The following WDFY2 variants were observed in gnomAD, a reference collection of about 807,000 sequenced individuals.
WDFY2 encodes the protein WD repeat and FYVE domain-containing protein 2.
In WDFY2, 36 loss-of-function variants were observed where a neutral mutation model predicts 56.4. That is an observed-to-expected ratio of 0.64 (90% confidence interval 0.49 to 0.84). The LOEUF (loss-of-function observed/expected upper bound fraction) is 0.84. WDFY2 is among the 40% of genes least tolerant of loss of function. The probability of loss-of-function intolerance (pLI) is 0.00; values close to 1 mark genes in which losing one functional copy is unlikely to be tolerated. For missense variants in WDFY2, 444 were observed against 512.2 expected (o/e 0.87, Z 1.29); for synonymous variants, 176 against 183.7 (o/e 0.96, Z 0.34).
At chr13:51,720,256 AT>A (rs1952457672) in intron 5 of WDFY2, among the ~76,000 whole-genome samples, 1 of 152,230 alleles carries the variant, frequency 6.6e-6, no homozygotes, top group Non-Finnish European at 1.5e-5. Flanking sequence ...ACTGTGCGGC[AT>A]TCAAAGGTAT....
chr13:51,604,503 CAGA>C lies in WDFY2; in HGVS notation c.137+19682_137+19684del, dbSNP rs549322252. On this transcript the variant is annotated intron_variant, in intron 1 of 11. Coordinates refer to ENST00000298125, the MANE Select transcript of WDFY2 (RefSeq NM_052950.4). ...CAGAGTAACTCCTGGAAGCCAAGTT[CAGA>C]AGGTCACTAGACATTATGAATGTCA... Among the ~76,000 whole-genome samples, 274 of 152,216 alleles carry C rather than the reference CAGA, an allele frequency of 1.8e-3. 2 individuals are homozygous for C. Among genetic ancestry groups the C allele is most frequent in the Non-Finnish European group, 2.1e-3 (145 of 68,028 alleles).
chr13:51,665,060 G>A (rs1411372035), intron 2 of WDFY2, among the ~76,000 whole-genome samples: 6 of 152,192 alleles, frequency 3.9e-5, no homozygotes, highest in African/African-American at 1.4e-4. Flanking sequence ...TATGGTGAGT[G>A]TTTTAATGTG....
chr13:51,619,459 A>G (rs1954686042), intron 1 of WDFY2, among the ~76,000 whole-genome samples: 2 of 152,002 alleles, frequency 1.3e-5, no homozygotes, highest in African/African-American at 4.8e-5. Context: ...AAAAACAAAA[A>G]GCCTCCAGAA....
At chr13:51,641,048 G>A in intron 1 of WDFY2, among the ~76,000 whole-genome samples, 1 of 152,066 alleles carries the variant, frequency 6.6e-6, no homozygotes, top group Non-Finnish European at 1.5e-5. Flanking sequence ...TATCCAAGTT[G>A]GGTCCATCTT....
intron 3 of WDFY2, among the ~76,000 whole-genome samples, chr13:51,684,960 A>G (rs1209149690): frequency 6.6e-6 from 1 of 152,172 alleles, no homozygotes; most frequent in Non-Finnish European, 1.5e-5. Context: ...TCACTTTTAG[A>G]AAAATGAAGC....
chr13:51,637,837 G>T (rs998966806), intron 1 of WDFY2, among the ~76,000 whole-genome samples: 16 of 152,298 alleles, frequency 1.1e-4, no homozygotes, highest in African/African-American at 3.6e-4. Flanking sequence ...TGCAAGAATT[G>T]ATATTATTTA....
At chr13:51,749,668 C>A (rs887817686) in intron 7 of WDFY2, among the ~76,000 whole-genome samples, 8 of 152,058 alleles carry the variant, frequency 5.3e-5, no homozygotes, top group African/African-American at 1.9e-4. Context: ...TATAGCCTCA[C>A]TATAGCATAG....
intron 4 of WDFY2, among the ~76,000 whole-genome samples, chr13:51,712,214 G>A (rs946698018): frequency 2.0e-5 from 3 of 152,112 alleles, no homozygotes; most frequent in East Asian, 1.9e-4. Context: ...ACCAAGCACC[G>A]TATCTTCTCA....
chr13:51,645,008 G>A (rs1013497721), intron 1 of WDFY2, among the ~76,000 whole-genome samples: 2 of 152,110 alleles, frequency 1.3e-5, no homozygotes, highest in African/African-American at 4.8e-5. Context: ...GCATTTGCTG[G>A]GAACCTCTCA....
At chr13:51,680,974 G>GT (rs750819923) in intron 3 of WDFY2, among the ~76,000 whole-genome samples, 9 of 152,174 alleles carry the variant, frequency 5.9e-5, no homozygotes, top group Non-Finnish European at 7.4e-5. Flanking sequence ...TCCAGCCACT[G>GT]TTAAAAAATA....
At chr13:51,615,907 T>C (rs569760544) in intron 1 of WDFY2, among the ~76,000 whole-genome samples, 11 of 152,352 alleles carry the variant, frequency 7.2e-5, no homozygotes, top group African/African-American at 2.6e-4. Context: ...TGGATTTCTA[T>C]TTTTTAACCA....
chr13:51,668,636 A>C (rs2138482516), intron 2 of WDFY2, among the ~76,000 whole-genome samples: 1 of 152,280 alleles, frequency 6.6e-6, no homozygotes, highest in East Asian at 1.9e-4. Flanking sequence ...TGCTCATTGG[A>C]GGCTCTATTG....
At chr13:51,666,036 G>A (rs1484844599) in intron 2 of WDFY2, among the ~76,000 whole-genome samples, 3 of 152,176 alleles carry the variant, frequency 2.0e-5, no homozygotes, top group Non-Finnish European at 4.4e-5. Context: ...TTTCACACAA[G>A]TATGGATACC....
chr13:51,662,730 T>C (rs914228636), intron 2 of WDFY2, among the ~76,000 whole-genome samples: 1 of 152,204 alleles, frequency 6.6e-6, no homozygotes, highest in Non-Finnish European at 1.5e-5. Flanking sequence ...TAAATACTTA[T>C]TGAAGGATTT....
At chr13:51,711,309 A>T (rs1184645000) in intron 4 of WDFY2, among the ~76,000 whole-genome samples, 1 of 152,234 alleles carries the variant, frequency 6.6e-6, no homozygotes, top group Non-Finnish European at 1.5e-5. Context: ...TAAAGACTTA[A>T]ACGTTAGACC....
chr13:51,666,724 A>ACT (rs1396749445), intron 2 of WDFY2, among the ~76,000 whole-genome samples: 6 of 148,618 alleles, frequency 4.0e-5, no homozygotes, highest in South Asian at 2.1e-4. Flanking sequence ...ACACACACAC[A>ACT]CTCTCTCTCT....
intron 1 of WDFY2, among the ~76,000 whole-genome samples, chr13:51,585,254 A>G (rs1953915215): frequency 6.6e-6 from 1 of 152,246 alleles, no homozygotes; most frequent in African/African-American, 2.4e-5. Flanking sequence ...CAGGGTTTCA[A>G]ACGGAGAAAG....
At chr13:51,637,927 T>C (rs934684469) in intron 1 of WDFY2, among the ~76,000 whole-genome samples, 2 of 152,224 alleles carry the variant, frequency 1.3e-5, no homozygotes, top group African/African-American at 4.8e-5. Flanking sequence ...TTAGTAAACA[T>C]TACCAGTTCT....
intron 1 of WDFY2, among the ~76,000 whole-genome samples, chr13:51,596,038 A>G (rs1393763964): frequency 6.6e-6 from 1 of 152,196 alleles, no homozygotes; most frequent in Non-Finnish European, 1.5e-5. Flanking sequence ...ATCTGGATTA[A>G]TATTCCTGGA....
Sources: allele counts gnomAD v4.1 joint callset (sites outside exome capture counted in the v4.1 genomes callset), GRCh38; gene constraint gnomAD v4.1.1; transcripts MANE v1.5; gene names NCBI Gene and HGNC (gene_info 2026-07-23, HGNC 2026-07-21).